The following SLC25A21 variants were observed in gnomAD, a reference collection of about 807,000 sequenced individuals.
The protein encoded by SLC25A21 is solute carrier family 25 member 21.
SLC25A21 carries 47 observed loss-of-function variants against 43.8 expected under a neutral mutation model. That is an observed-to-expected ratio of 1.07 (90% CI 0.85 to 1.37). The LOEUF (loss-of-function observed/expected upper bound fraction) is 1.37, where lower values mean the gene tolerates loss of function less well. SLC25A21 is among the 40% of genes most tolerant of loss of function. The pLI, the probability that SLC25A21 is intolerant of heterozygous loss-of-function variation, is 0.00. For missense variants in SLC25A21, 352 were observed against 350.2 expected (o/e 1.00, Z -0.04); for synonymous variants, 131 against 121.3 (o/e 1.08, Z -0.52).
chr14:36,812,416 A>G (rs1449893018), intron 3 of SLC25A21, among the ~76,000 whole-genome samples: 1 of 151,486 alleles, frequency 6.6e-6, no homozygotes, highest in East Asian at 1.9e-4. Flanking sequence ...CATAGCTAGC[A>G]ATGTACTTTA....
At chr14:37,069,823 T>C (rs17106209) in intron 1 of SLC25A21, among the ~76,000 whole-genome samples, 32,428 of 152,136 alleles carry the variant, frequency 0.21, 8,018 homozygotes, top group African/African-American at 0.6. Context: ...GTCTCATTTA[T>C]TATGCATTAA....
chr14:36,974,117 C>T (rs370671662), intron 1 of SLC25A21, among the ~76,000 whole-genome samples: 4 of 152,216 alleles, frequency 2.6e-5, no homozygotes, highest in African/African-American at 9.6e-5. Flanking sequence ...GATGGGCTCA[C>T]CAGAAATATT....
chr14:37,171,468 G>A (rs1281781847), intron 1 of SLC25A21, among the ~76,000 whole-genome samples: 1 of 151,934 alleles, frequency 6.6e-6, no homozygotes, highest in Non-Finnish European at 1.5e-5. Context: ...TTTATAAAAT[G>A]TTTTCTGGTT....
rs1891744576 is a variant in SLC25A21, at chr14:36,913,451, T to G, written c.71-38447A>C. ...CCAACACACCCAGCTGATTTTTGACTTTTTTGTAAAGACAGGGTCTCATTA... is the reference window on the plus strand; with the variant it reads ...CCAACACACCCAGCTGATTTTTGACGTTTTTGTAAAGACAGGGTCTCATTA... On this transcript the variant is annotated intron_variant, in intron 1 of 9. Coordinates refer to ENST00000331299, the MANE Select transcript of SLC25A21 (RefSeq NM_030631.4). 2.0e-5 allele frequency among the ~76,000 whole-genome samples: 3 copies of G among 152,158 alleles called. No individual in the cohort carries two copies. In the South Asian group the frequency reaches 6.2e-4, roughly 32 times the overall value.
chr14:37,021,762 TTTG>T (rs1378003296), intron 1 of SLC25A21, among the ~76,000 whole-genome samples: 1 of 151,972 alleles, frequency 6.6e-6, no homozygotes, highest in Non-Finnish European at 1.5e-5. Flanking sequence ...AATTTTTGTT[TTTG>T]TTGTCTTCCC....
At chr14:36,869,528 C>T (rs1312136264) in intron 2 of SLC25A21, among the ~76,000 whole-genome samples, 3 of 152,258 alleles carry the variant, frequency 2.0e-5, no homozygotes, top group South Asian at 4.2e-4. Flanking sequence ...CCTCAGGCCT[C>T]GGAGGTACCA....
Position 36,680,730 on chromosome 14 carries a change from A to AAAG in SLC25A21, c.839-14_839-12dup. On this transcript the variant is annotated splice_polypyrimidine_tract_variant and intron_variant, in intron 9 of 9. Transcript: ENST00000331299. Reference sequence around the variant, plus strand: ...GCATCACTGCACCACCTAGAAAAGAAAAGAGCTGTTTTTTATTGCAAATCC... The same window carrying AAAG: ...GCATCACTGCACCACCTAGAAAAGAAAAGAAGAGCTGTTTTTTATTGCAAATCC... 6.2e-7 allele frequency: 1 copy of AAAG among 1,609,680 alleles called. No individual in the cohort carries two copies. The highest frequency in any genetic ancestry group is 1.7e-5 in the Admixed American group (1 of 59,496).
chr14:36,909,729 G>C (rs1891631357), intron 1 of SLC25A21, among the ~76,000 whole-genome samples: 1 of 152,122 alleles, frequency 6.6e-6, no homozygotes, highest in African/African-American at 2.4e-5. Context: ...AAATTAATAA[G>C]TAAACAGTTG....
chr14:37,142,219 A>C (rs1963582919), intron 1 of SLC25A21, among the ~76,000 whole-genome samples: 1 of 152,226 alleles, frequency 6.6e-6, no homozygotes, highest in African/African-American at 2.4e-5. Context: ...TAAAGACTTG[A>C]GGATTAGAAA....
intron 2 of SLC25A21, among the ~76,000 whole-genome samples, chr14:36,817,176 G>A (rs1182323506): frequency 6.6e-6 from 1 of 151,660 alleles, no homozygotes; most frequent in Non-Finnish European, 1.5e-5. Context: ...AAAACCCAGG[G>A]TATTACCTTC....
At chr14:37,091,538 G>A (rs183264774) in intron 1 of SLC25A21, among the ~76,000 whole-genome samples, 212 of 151,926 alleles carry the variant, frequency 1.4e-3, no homozygotes, top group Non-Finnish European at 2.6e-3. Flanking sequence ...GCACTAAATA[G>A]ACTGCAAAAA....
chr14:36,735,911 T>C (rs1885015634), intron 3 of SLC25A21, among the ~76,000 whole-genome samples: 1 of 148,436 alleles, frequency 6.7e-6, no homozygotes. Flanking sequence ...TTCTCTGATA[T>C]GGGCTTATTC....
intron 1 of SLC25A21, among the ~76,000 whole-genome samples, chr14:37,144,376 T>C (rs923724641): frequency 1.3e-5 from 2 of 152,236 alleles, no homozygotes; most frequent in Non-Finnish European, 2.9e-5. Flanking sequence ...ATAGAATACC[T>C]ACACACATAT....
intron 7 of SLC25A21, among the ~76,000 whole-genome samples, chr14:36,705,578 A>ATC (rs1044928104): frequency 1.3e-5 from 2 of 151,968 alleles, no homozygotes; most frequent in Admixed American, 6.6e-5. Context: ...CTCCCACTTA[A>ATC]TCTCTCTCTG....
intron 1 of SLC25A21, among the ~76,000 whole-genome samples, chr14:36,878,444 T>C (rs1294199943): frequency 2.0e-5 from 3 of 152,150 alleles, no homozygotes; most frequent in Non-Finnish European, 4.4e-5. Context: ...GAGTTCAGAG[T>C]TAAATCTGGA....
intron 3 of SLC25A21, among the ~76,000 whole-genome samples, chr14:36,810,266 T>C (rs188992200): frequency 2.0e-5 from 3 of 152,240 alleles, no homozygotes; most frequent in Non-Finnish European, 4.4e-5. Flanking sequence ...TACTGTATGT[T>C]TGTTATATTA....
intron 3 of SLC25A21, among the ~76,000 whole-genome samples, chr14:36,802,425 C>A (rs1346279874): frequency 6.6e-6 from 1 of 152,168 alleles, no homozygotes; most frequent in Non-Finnish European, 1.5e-5. Context: ...ATAAAACTAG[C>A]TAACAATCAT....
chr14:36,924,932 T>C (rs1397803112), intron 1 of SLC25A21, among the ~76,000 whole-genome samples: 1 of 152,132 alleles, frequency 6.6e-6, no homozygotes. Context: ...CATGTGGTGA[T>C]CCTGGAACCA....
chr14:36,915,920 T>C (rs966356224), intron 1 of SLC25A21, among the ~76,000 whole-genome samples: 3 of 152,044 alleles, frequency 2.0e-5, no homozygotes, highest in South Asian at 2.1e-4. Flanking sequence ...TCTAAATAAG[T>C]TGTCAGAGTC....
Sources: allele counts gnomAD v4.1 joint callset (sites outside exome capture counted in the v4.1 genomes callset), GRCh38; gene constraint gnomAD v4.1.1; transcripts MANE v1.5; gene names NCBI Gene and HGNC (gene_info 2026-07-23, HGNC 2026-07-21).